Variants in GALNT13 observed in about 807,000 individuals in gnomAD.
GALNT13 encodes the protein UDP-GalNAc:polypeptide N-acetylgalactosaminyltransferase 13.
In GALNT13, 28 loss-of-function variants were observed where a neutral mutation model predicts 64.2. That is an observed-to-expected ratio of 0.44 (90% confidence interval 0.32 to 0.60). The LOEUF (loss-of-function observed/expected upper bound fraction) is 0.60, where lower values mean the gene tolerates loss of function less well. Among genes scored for constraint, GALNT13 ranks in the 20% least tolerant of loss-of-function variants. GALNT13 has a pLI of 0.05. For missense variants in GALNT13, 577 were observed against 669.8 expected (o/e 0.86, Z 1.53); for synonymous variants, 214 against 224.6 (o/e 0.95, Z 0.42).
At chr2:154,122,585 A>G (rs991279583) in intron 3 of GALNT13, among the ~76,000 whole-genome samples, 2 of 152,018 alleles carry the variant, frequency 1.3e-5, no homozygotes, top group African/African-American at 4.8e-5. Flanking sequence ...ATAATTATTG[A>G]TTCAACTTCT....
the GALNT13 span, among the ~76,000 whole-genome samples, chr2:153,791,406 A>G: frequency 6.6e-6 from 1 of 152,156 alleles, no homozygotes; most frequent in African/African-American, 2.4e-5. Context: ...GCACCAACCT[A>G]ATATTAAAAA....
the GALNT13 span, among the ~76,000 whole-genome samples, chr2:153,496,144 G>T: frequency 8.5e-5 from 13 of 152,154 alleles, no homozygotes; most frequent in African/African-American, 3.1e-4. Context: ...TTATATTTTA[G>T]GGTTTGATTT....
chr2:154,074,786 T>G (rs947857913), intron 3 of GALNT13, among the ~76,000 whole-genome samples: 1 of 151,894 alleles, frequency 6.6e-6, no homozygotes. Context: ...GTTCAATATA[T>G]GCAAATCAAT....
At chr2:153,117,170 A>T in the GALNT13 span, among the ~76,000 whole-genome samples, 1 of 152,164 alleles carries the variant, frequency 6.6e-6, no homozygotes, top group Non-Finnish European at 1.5e-5. Flanking sequence ...GCACAGTTAA[A>T]GGTACAATCT....
At chr2:153,981,944 A>G (rs1472240702) in intron 3 of GALNT13, among the ~76,000 whole-genome samples, 2 of 152,002 alleles carry the variant, frequency 1.3e-5, no homozygotes, top group East Asian at 1.9e-4. Context: ...GTCTATTACT[A>G]TAATGTCAGT....
intron 9 of GALNT13, among the ~76,000 whole-genome samples, chr2:154,307,392 A>G (rs906061830): frequency 1.3e-5 from 2 of 152,192 alleles, no homozygotes; most frequent in Non-Finnish European, 2.9e-5. Flanking sequence ...AAGACTCCCA[A>G]TTAATTTAAA....
chr2:153,573,319 A>T, the GALNT13 span, among the ~76,000 whole-genome samples: 1 of 151,794 alleles, frequency 6.6e-6, no homozygotes, highest in Non-Finnish European at 1.5e-5. Context: ...ATTTACTTTT[A>T]GTCCATATGT....
At chr2:153,940,801 CAGCCTCAAGGAT>C (rs1266078611) in intron 2 of GALNT13, among the ~76,000 whole-genome samples, 1 of 151,992 alleles carries the variant, frequency 6.6e-6, no homozygotes, top group African/African-American at 2.4e-5. Context: ...GATCCCTTGG[CAGCCTCAAGGAT>C]AGCCTCAGAA....
chr2:154,276,407 A>G (rs1176424207), intron 8 of GALNT13, among the ~76,000 whole-genome samples: 1 of 151,798 alleles, frequency 6.6e-6, no homozygotes, highest in African/African-American at 2.4e-5. Context: ...TTGAGTAGAA[A>G]CGGAAAATGC....
the GALNT13 span, among the ~76,000 whole-genome samples, chr2:153,503,704 G>C: frequency 6.6e-6 from 1 of 152,140 alleles, no homozygotes; most frequent in African/African-American, 2.4e-5. Flanking sequence ...GCCTCCCAAA[G>C]TGCTAGGATT....
chr2:153,299,867 C>T, the GALNT13 span, among the ~76,000 whole-genome samples: 2 of 152,166 alleles, frequency 1.3e-5, no homozygotes, highest in Non-Finnish European at 2.9e-5. Context: ...GCCATCTGCC[C>T]ATTGGTAGTC....
chr2:154,228,943 G>A (rs1559037460), intron 4 of GALNT13, among the ~76,000 whole-genome samples: 1 of 152,186 alleles, frequency 6.6e-6, no homozygotes, highest in South Asian at 2.1e-4. Flanking sequence ...CAGTTGATGG[G>A]ACTATTTGGG....
chr2:153,233,360 G>A, the GALNT13 span, among the ~76,000 whole-genome samples: 5 of 151,738 alleles, frequency 3.3e-5, no homozygotes, highest in Non-Finnish European at 5.9e-5. Flanking sequence ...TATTCCTATA[G>A]ACATTCACAT....
At chr2:154,006,317 T>A (rs1384102146) in intron 3 of GALNT13, among the ~76,000 whole-genome samples, 2 of 152,168 alleles carry the variant, frequency 1.3e-5, no homozygotes, top group East Asian at 3.9e-4. Flanking sequence ...CTAAATGTCC[T>A]TGGGGTTGTG....
intron 3 of GALNT13, among the ~76,000 whole-genome samples, chr2:154,043,564 GA>G (rs912547613): frequency 3.3e-5 from 5 of 150,816 alleles, no homozygotes; most frequent in South Asian, 4.2e-4. Context: ...AGGCATTAGA[GA>G]AAAAATAAAT....
chr2:154,335,689 G>A lies in GALNT13; in HGVS notation c.1156+34100G>A, dbSNP rs200595553. On this transcript the variant is annotated intron_variant, in intron 9 of 12. Coordinates refer to ENST00000392825, the MANE Select transcript of GALNT13 (RefSeq NM_052917.4). The stretch of plus-strand genomic sequence containing the variant: ...ATATTTATGCTTCATTAATTATAAC[G>A]CGTAATATTATAGGGATTAATCAAA... 1.3e-4 allele frequency among the ~76,000 whole-genome samples: 19 copies of A among 151,866 alleles called. No homozygotes were observed. The East Asian group carries it at 1.9e-3, about 16-fold the overall frequency.
intron 4 of GALNT13, chr2:154,236,205 A>G (rs989993311): frequency 4.9e-6 from 5 of 1,012,908 alleles, no homozygotes; most frequent in Non-Finnish European, 6.1e-6. Flanking sequence ...TTTATAAGAT[A>G]TAAACACACA....
At chr2:153,538,310 C>CT in the GALNT13 span, among the ~76,000 whole-genome samples, 2,037 of 64,506 alleles carry the variant, frequency 0.032, 63 homozygotes, top group African/African-American at 0.086. Flanking sequence ...AATTTCTTTT[C>CT]TTTTTTTTTT....
the GALNT13 span, among the ~76,000 whole-genome samples, chr2:153,646,521 G>C: frequency 4.0e-5 from 6 of 151,314 alleles, no homozygotes; most frequent in African/African-American, 1.5e-4. Context: ...GTGCAAGTTT[G>C]TTAAATGTGT....
Sources: allele counts gnomAD v4.1 joint callset (sites outside exome capture counted in the v4.1 genomes callset), GRCh38; gene constraint gnomAD v4.1.1; transcripts MANE v1.5; gene names NCBI Gene and HGNC (gene_info 2026-07-23, HGNC 2026-07-21).